Variants in ATP6V1H observed in about 807,000 individuals in gnomAD.
ATP6V1H encodes the protein ATPase H+ transporting V1 subunit H.
A neutral mutation model predicts 71.7 loss-of-function variants in ATP6V1H; 39 were observed. That is an observed-to-expected ratio of 0.54 (90% confidence interval 0.42 to 0.71). The LOEUF is 0.71. ATP6V1H is among the 30% of genes least tolerant of loss of function. The pLI is 0.00. For synonymous variants in ATP6V1H, 192 were observed against 199.3 expected, an observed-to-expected ratio of 0.96 and a Z score of 0.31; for missense variants, 509 against 594.9, an observed-to-expected ratio of 0.86 and a Z score of 1.50.
intron 10 of ATP6V1H, 63 bp downstream of exon 10, chr8:53,771,926 T>G: frequency 6.9e-7 from 1 of 1,455,882 alleles, no homozygotes; most frequent in Non-Finnish European, 9.4e-7. Flanking sequence ...TTTCTTAAAA[T>G]GCTATGCAAG....
At chr8:53,826,206 T>A (rs577529981) in intron 4 of ATP6V1H, among the ~76,000 whole-genome samples, 18 of 152,332 alleles carry the variant, frequency 1.2e-4, no homozygotes, top group African/African-American at 4.3e-4. Flanking sequence ...CACACCCTGC[T>A]GATGAAAATG....
intron 11 of ATP6V1H, among the ~76,000 whole-genome samples, chr8:53,762,628 A>G (rs961602233): frequency 6.6e-6 from 1 of 152,224 alleles, no homozygotes; most frequent in Non-Finnish European, 1.5e-5. Context: ...GAATAAACAA[A>G]TAGATGATGG....
rs376873388 is a variant in ATP6V1H, at chr8:53,801,991, G to A, written c.580-95C>T. ...TAAATGAAAAGTCAGATTACCTACTGGAATTACCATCTGAGCATCCAAAAT... is the reference window on the plus strand; with the variant it reads ...TAAATGAAAAGTCAGATTACCTACTAGAATTACCATCTGAGCATCCAAAAT... On this transcript the variant is annotated intron_variant, in intron 7 of 13. Transcript: ENST00000359530. 6.6e-5 allele frequency: 71 copies of A among 1,076,676 alleles called. 1 individual carries two copies. In the African/African-American group the frequency reaches 8.5e-4, roughly 13 times the overall value. 66.7% of individuals were successfully genotyped at this position (1,076,676 alleles called of 1,614,324 possible).
intron 3 of ATP6V1H, among the ~76,000 whole-genome samples, chr8:53,830,903 T>C (rs1166183550): frequency 1.3e-5 from 2 of 151,916 alleles, no homozygotes; most frequent in East Asian, 1.9e-4. Context: ...GCACATGCGG[T>C]TGGGGTGGGG....
At chr8:53,799,184 T>C (rs1809835271) in intron 8 of ATP6V1H, among the ~76,000 whole-genome samples, 1 of 152,106 alleles carries the variant, frequency 6.6e-6, no homozygotes, top group African/African-American at 2.4e-5. Context: ...TGCCAAACAA[T>C]TCTACTGGAC....
chr8:53,803,018 A>G (rs1809964536), intron 7 of ATP6V1H, among the ~76,000 whole-genome samples: 1 of 152,182 alleles, frequency 6.6e-6, no homozygotes, highest in South Asian at 2.1e-4. Context: ...TTAAATATGT[A>G]CAATAAGCCT....
chr8:53,822,635 A>C (rs1324165787), intron 4 of ATP6V1H, among the ~76,000 whole-genome samples: 1 of 152,200 alleles, frequency 6.6e-6, no homozygotes, highest in African/African-American at 2.4e-5. Flanking sequence ...ATCATAACAC[A>C]GTATGACAGT....
At chr8:53,823,637 T>C (rs1320093740) in intron 4 of ATP6V1H, among the ~76,000 whole-genome samples, 2 of 152,152 alleles carry the variant, frequency 1.3e-5, no homozygotes, top group Non-Finnish European at 2.9e-5. Flanking sequence ...CCACCACACC[T>C]GGCTAATTTT....
At position 53,762,262 on chromosome 8, in the gene ATP6V1H, T is replaced by TAA. The variant is rs4013980; in HGVS notation, c.1176-5608_1176-5607dup. Among the ~76,000 whole-genome samples, 443 of 142,982 alleles carry TAA rather than the reference T, an allele frequency of 3.1e-3. 3 individuals are homozygous for TAA. The highest frequency in any genetic ancestry group is 0.01 in the African/African-American group (411 of 39,246). 93.8% of individuals were successfully genotyped at this position (142,982 alleles called of 152,430 possible). A position where few individuals can be genotyped will look rare whatever the true frequency, so the allele number is the denominator to read the frequency against. ...TGTAATACAAGATCTATAGGAACAC[T>TAA]AAAAAAAAAAAATCACACACAAAGG... On this transcript the variant is annotated intron_variant, in intron 11 of 13. Transcript: ENST00000359530.
At chr8:53,837,095 C>T (rs976550512) in intron 2 of ATP6V1H, among the ~76,000 whole-genome samples, 4 of 151,288 alleles carry the variant, frequency 2.6e-5, no homozygotes, top group African/African-American at 4.9e-5. Context: ...GAGCCAAGAA[C>T]GCACCATTGC....
At chr8:53,835,717 T>C (rs1457973381) in intron 2 of ATP6V1H, among the ~76,000 whole-genome samples, 2 of 152,178 alleles carry the variant, frequency 1.3e-5, no homozygotes, top group African/African-American at 4.8e-5. Context: ...TTTTCAACAA[T>C]TTCTTAATTA....
At chr8:53,779,970 C>A (rs909975979) in intron 9 of ATP6V1H, among the ~76,000 whole-genome samples, 57 of 151,938 alleles carry the variant, frequency 3.8e-4, no homozygotes, top group African/African-American at 1.3e-3. Flanking sequence ...ACCAGCCTGG[C>A]CAACACAGTG....
chr8:53,757,643 C>G (rs1250063859), intron 11 of ATP6V1H, among the ~76,000 whole-genome samples: 1 of 152,176 alleles, frequency 6.6e-6, no homozygotes, highest in Admixed American at 6.5e-5. Flanking sequence ...CCCAGCAACT[C>G]AGAAATAGAT....
intron 12 of ATP6V1H, among the ~76,000 whole-genome samples, chr8:53,744,646 T>C (rs1807537069): frequency 6.6e-6 from 1 of 151,824 alleles, no homozygotes; most frequent in Non-Finnish European, 1.5e-5. Flanking sequence ...GGGGTCGGAG[T>C]GAGAGGGAAG....
intron 13 of ATP6V1H, among the ~76,000 whole-genome samples, chr8:53,740,603 T>C (rs1331280312): frequency 6.6e-6 from 1 of 152,158 alleles, no homozygotes; most frequent in Non-Finnish European, 1.5e-5. Flanking sequence ...TTTCACTTGG[T>C]AGAAAAGAAA....
Position 53,760,216 on chromosome 8 carries a change from C to A in ATP6V1H, c.1176-3560G>T, listed in dbSNP as rs181472756. Among the ~76,000 whole-genome samples, 335 of 152,276 alleles carry A rather than the reference C, an allele frequency of 2.2e-3. 2 individuals carry two copies. The highest frequency in any genetic ancestry group is 7.8e-3 in the African/African-American group (324 of 41,552). ...AGTGGGGTGGGCAGGCTCAAGCATGCACAGTAAGGTGCAAAGTGGCAGAGT... is the reference window on the plus strand; with the variant it reads ...AGTGGGGTGGGCAGGCTCAAGCATGAACAGTAAGGTGCAAAGTGGCAGAGT... On this transcript the variant is annotated intron_variant, in intron 11 of 13. Transcript: ENST00000359530.
rs187684400 is a variant in ATP6V1H at position 53,716,853 on chromosome 8, T to C, written c.1392-829A>G. Among the ~76,000 whole-genome samples the C allele has an allele frequency of 2.7e-3, 407 of 152,370 alleles. 3 individuals carry two copies. Among genetic ancestry groups the C allele is most frequent in the Non-Finnish European group, 4.2e-3 (288 of 68,030 alleles). ...TCCTTTGAGGCACTTGCCGAAACTTTTGTTTTAGAACCAATTAGGAAGAAG... is the reference window on the plus strand; with the variant it reads ...TCCTTTGAGGCACTTGCCGAAACTTCTGTTTTAGAACCAATTAGGAAGAAG... On this transcript the variant is annotated intron_variant, in intron 13 of 13. Coordinates refer to ENST00000359530, the MANE Select transcript of ATP6V1H (RefSeq NM_015941.4).
chr8:53,738,557 A>G, intron 13 of ATP6V1H, among the ~76,000 whole-genome samples: 1 of 152,230 alleles, frequency 6.6e-6, no homozygotes. Flanking sequence ...AAACCAAAAC[A>G]TGAACTAGAT....
intron 11 of ATP6V1H, among the ~76,000 whole-genome samples, chr8:53,767,482 A>G (rs1306855007): frequency 1.3e-5 from 2 of 152,250 alleles, no homozygotes; most frequent in African/African-American, 4.8e-5. Flanking sequence ...ACAATTTAAA[A>G]TATCTACCAA....
Sources: allele counts gnomAD v4.1 joint callset (sites outside exome capture counted in the v4.1 genomes callset), GRCh38; gene constraint gnomAD v4.1.1; transcripts MANE v1.5; gene names NCBI Gene and HGNC (gene_info 2026-07-23, HGNC 2026-07-21).